The following GPR20 variants were observed in gnomAD, a reference collection of about 807,000 sequenced individuals.
GPR20 encodes CTD-3064M3.3.
For missense variants in GPR20, 494 were observed against 527.4 expected (o/e 0.94, Z 0.62); for synonymous variants, 241 against 241.9 (o/e 1.00, Z 0.04).
intron 1 of GPR20, among the ~76,000 whole-genome samples, chr8:141,365,399 C>T (rs1278588877): frequency 6.6e-6 from 1 of 152,226 alleles, no homozygotes; most frequent in African/African-American, 2.4e-5. Flanking sequence ...CCTCAATCTG[C>T]CTGCTGGCAC....
chr8:141,358,505 A>G (rs754756307), intron 1 of GPR20, among the ~76,000 whole-genome samples: 1 of 152,192 alleles, frequency 6.6e-6, no homozygotes, highest in Non-Finnish European at 1.5e-5. Context: ...CTGATGACCC[A>G]GTTCTGCTGG....
At position 141,356,763 on chromosome 8, in the gene GPR20, G is replaced by T. The variant is rs1015375572; in HGVS notation, c.*84C>A. On this transcript the variant is annotated 3_prime_UTR_variant, in exon 2 of 2. Transcript: ENST00000377741. ...ATCACCAATCAATCGAGATGGAACC[G>T]ATTGCCACCCCTGGCATGGTGGGTG... 97 of 949,820 alleles carry T rather than the reference G, an allele frequency of 1.0e-4. No individual in the cohort carries two copies. Among genetic ancestry groups the T allele is most frequent in the Non-Finnish European group, 1.6e-6 (1 of 631,660 alleles). The allele number at this position is 949,820 out of a possible 1,614,324, so 58.8% of individuals were successfully genotyped here.
At chr8:141,361,662 C>G (rs1831735525) in intron 1 of GPR20, among the ~76,000 whole-genome samples, 3 of 152,312 alleles carry the variant, frequency 2.0e-5, no homozygotes, top group South Asian at 4.1e-4. Context: ...AGGGAGGGCT[C>G]TGACCTGGGT....
At chr8:141,358,068 T>G in intron 1 of GPR20, 121 bp from the exon 2 acceptor site, 1 of 600,400 alleles carries the variant, frequency 1.7e-6, no homozygotes, top group Non-Finnish European at 2.9e-6. Context: ...CTCCATGCCC[T>G]CGCCTGGCTG....
intron 1 of GPR20, among the ~76,000 whole-genome samples, chr8:141,361,692 G>A (rs1831735984): frequency 6.6e-6 from 1 of 152,228 alleles, no homozygotes; most frequent in Non-Finnish European, 1.5e-5. Context: ...CTGAGCCTCA[G>A]TGTCTCCTCC....
chr8:141,361,474 G>A (rs1831733194), intron 1 of GPR20, among the ~76,000 whole-genome samples: 1 of 152,212 alleles, frequency 6.6e-6, no homozygotes, highest in Non-Finnish European at 1.5e-5. Context: ...CTCCCCTGGG[G>A]GTTCTTGTCC....
intron 1 of GPR20, among the ~76,000 whole-genome samples, chr8:141,364,163 A>G (rs541639158): frequency 3.9e-5 from 6 of 152,150 alleles, no homozygotes; most frequent in Non-Finnish European, 8.8e-5. Flanking sequence ...GGGCTGGATT[A>G]GGCATCTCTG....
Position 141,356,678 on chromosome 8 carries a change from C to T in GPR20, c.*169G>A, listed in dbSNP as rs1831640395. ...ACATCCCATCGGAGCCAGTGGCAGA[C>T]ATTGCTAATCAACCACAGCACAGTG... On this transcript the variant is annotated 3_prime_UTR_variant, in exon 2 of 2. Transcript: ENST00000377741. 1.8e-6 allele frequency: 1 copy of T among 541,558 alleles called. No homozygotes were observed. The highest frequency in any genetic ancestry group is 3.2e-6 in the Non-Finnish European group (1 of 309,276). 33.5% of individuals were successfully genotyped at this position (541,558 alleles called of 1,614,324 possible).
At chr8:141,366,830 G>A (rs1260847823) in intron 1 of GPR20, among the ~76,000 whole-genome samples, 1 of 152,210 alleles carries the variant, frequency 6.6e-6, no homozygotes, top group Non-Finnish European at 1.5e-5. Context: ...TTGCCAGGTG[G>A]GGAAACCAAG....
intron 1 of GPR20, among the ~76,000 whole-genome samples, chr8:141,365,122 C>T (rs2154616667): frequency 6.6e-6 from 1 of 152,328 alleles, no homozygotes; most frequent in African/African-American, 2.4e-5. Flanking sequence ...AGGCTCCGGG[C>T]ACCCACAGTC....
chr8:141,357,356 C>T lies in GPR20; in HGVS notation c.568G>A (p.Gly190Ser). The T allele has an allele frequency of 1.3e-6, 2 of 1,556,216 alleles. No individual in the cohort carries two copies. Residue 190 changes from glycine to serine, a missense_variant, in exon 2 of 2, where the codon GGC becomes AGC. Gly to Ser is a moderately conservative substitution (Grantham distance 56). Coordinates refer to ENST00000377741, the MANE Select transcript of GPR20 (RefSeq NM_005293.3). ...AAGACACGGCAGCAGGGCCGGCTGC[C>T]TGTCACGCCCAGCACCGACAGGGTG... ...AVTLSVLGVT[G>S]SRPCCRVFAL...
At chr8:141,358,581 C>T (rs943501578) in intron 1 of GPR20, among the ~76,000 whole-genome samples, 15 of 152,202 alleles carry the variant, frequency 9.9e-5, no homozygotes, top group Non-Finnish European at 1.6e-4. Flanking sequence ...CCACACCCAC[C>T]GTCATGGCCC....
At position 141,357,929 on chromosome 8, in the gene GPR20, C is replaced by A. The variant is rs781513511; in HGVS notation, c.-6G>T. On this transcript the variant is annotated 5_prime_UTR_variant, in exon 2 of 2. Coordinates refer to ENST00000377741, the MANE Select transcript of GPR20 (RefSeq NM_005293.3). ...GCTGGAGACACAGAGGGCATGACGG[C>A]AGCCAGCACACCCCAGGCCTGGAAG... is the stretch of plus-strand genomic sequence containing the variant. 34 of 1,497,148 alleles carry A rather than the reference C, an allele frequency of 2.3e-5. No individual in the cohort carries two copies. Among genetic ancestry groups the A allele is most frequent in the Admixed American group, 2.2e-4 (11 of 50,638 alleles). 92.7% of individuals were successfully genotyped at this position (1,497,148 alleles called of 1,614,324 possible).
chr8:141,357,741 T>A lies in GPR20; in HGVS notation c.183A>T (p.Gly61=). The A allele has an allele frequency of 6.2e-7, 1 of 1,613,128 alleles. No homozygotes were observed. Among genetic ancestry groups the A allele is most frequent in the Non-Finnish European group, 8.5e-7 (1 of 1,179,938 alleles). ...GCACCAGCCCTGCCAGGAAGATGGC[T>A]CCGTGCACCGCCATCAGCGCCAGCC... ...GLWLALMAVH[G]AIFLAGLVLN... The change falls in exon 2 of 2, where the codon GGA becomes GGT. Residue 61 remains glycine (G), a synonymous_variant. Coordinates refer to ENST00000377741, the MANE Select transcript of GPR20 (RefSeq NM_005293.3).
chr8:141,359,378 C>G (rs772856447), intron 1 of GPR20, among the ~76,000 whole-genome samples: 6 of 152,250 alleles, frequency 3.9e-5, no homozygotes, highest in African/African-American at 1.4e-4. Flanking sequence ...CGGCCACCTT[C>G]TTCCTCAGAG....
At position 141,356,794 on chromosome 8, in the gene GPR20, G is replaced by A. The variant is rs1028101588; in HGVS notation, c.*53C>T. On this transcript the variant is annotated 3_prime_UTR_variant, in exon 2 of 2. Coordinates refer to ENST00000377741, the MANE Select transcript of GPR20 (RefSeq NM_005293.3). ...CACCCCTGGCATGGTGGGTGTCCACGCTGGCATGCCCAGATGAGTCCTGAC... is the reference window on the plus strand; with the variant it reads ...CACCCCTGGCATGGTGGGTGTCCACACTGGCATGCCCAGATGAGTCCTGAC... 2.0e-5 allele frequency: 26 copies of A among 1,315,992 alleles called. No homozygotes were observed. The highest frequency in any genetic ancestry group is 4.2e-6 in the Non-Finnish European group (4 of 953,960). 81.5% of individuals were successfully genotyped at this position (1,315,992 alleles called of 1,614,324 possible). A position where few individuals can be genotyped will look rare whatever the true frequency, so the allele number is the denominator to read the frequency against.
Position 141,357,836 on chromosome 8 carries a change from G to A in GPR20, c.88C>T (p.Leu30=). 6.2e-7 allele frequency: 1 copy of A among 1,613,074 alleles called. No homozygotes were observed. ...VTTVRTNASG[L]EVPLFHLFAR... Reference sequence around the variant, plus strand: ...AACAGGTGGAACAGGGGCACCTCCAGCCCGCTGGCATTGGTCCGCACTGTT... The same window carrying A: ...AACAGGTGGAACAGGGGCACCTCCAACCCGCTGGCATTGGTCCGCACTGTT... The change falls in exon 2 of 2, where the codon CTG becomes TTG. Residue 30 remains leucine (L), a synonymous_variant. Coordinates refer to ENST00000377741, the MANE Select transcript of GPR20 (RefSeq NM_005293.3).
Position 141,367,233 on chromosome 8 carries a change from T to G in GPR20, c.-57A>C, listed in dbSNP as rs1280951059. The G allele has an allele frequency of 6.7e-6, 1 of 149,836 alleles. No individual in the cohort carries two copies. The highest frequency in any genetic ancestry group is 2.0e-4 in the East Asian group (1 of 5,054). 9.3% of individuals were successfully genotyped at this position (149,836 alleles called of 1,614,324 possible). ...CACCCGGGCAGGCTGGAGATGGGAG[T>G]CCTCAGCTCTCAGCTCTGCATGCAG... On this transcript the variant is annotated 5_prime_UTR_variant, in exon 1 of 2. Coordinates refer to ENST00000377741, the MANE Select transcript of GPR20 (RefSeq NM_005293.3).
rs377189642 is a variant in GPR20 at position 141,365,782 on chromosome 8, A to G, written c.-25+1419T>C. Among the ~76,000 whole-genome samples the G allele has an allele frequency of 2.6e-5, 4 of 152,252 alleles. No individual in the cohort carries two copies. In the East Asian group the frequency reaches 5.8e-4, roughly 22 times the overall value. On this transcript the variant is annotated intron_variant, in intron 1 of 1. Coordinates refer to ENST00000377741, the MANE Select transcript of GPR20 (RefSeq NM_005293.3). ...CTTTGGGACGTATGGTGAGGGGATC[A>G]ACTTAAGGTTCTTTGGGCCCTGACG... is the stretch of plus-strand genomic sequence containing the variant.
Sources: allele counts gnomAD v4.1 joint callset (sites outside exome capture counted in the v4.1 genomes callset), GRCh38; gene constraint gnomAD v4.1.1; transcripts MANE v1.5; gene names NCBI Gene and HGNC (gene_info 2026-07-23, HGNC 2026-07-21).